The following CSMD1 variants were observed in gnomAD, a reference collection of about 807,000 sequenced individuals.
The protein encoded by CSMD1 is CUB and sushi domain-containing protein 1.
A neutral mutation model predicts 417.5 loss-of-function variants in CSMD1; 213 were observed. The observed-to-expected ratio is 0.51, with a 90% confidence interval of 0.46 to 0.57. The LOEUF (loss-of-function observed/expected upper bound fraction) is 0.57, where lower values mean the gene tolerates loss of function less well. Among genes scored for constraint, CSMD1 ranks in the 20% least tolerant of loss-of-function variants. The pLI is 0.00. For synonymous variants in CSMD1, 2,862 were observed against 1,736.8 expected, an observed-to-expected ratio of 1.65 and a Z score of -16.11; for missense variants, 6,923 against 4,529.7, an observed-to-expected ratio of 1.53 and a Z score of -15.17.
At chr8:3,138,221 C>G (rs897851249) in intron 41 of CSMD1, among the ~76,000 whole-genome samples, 1 of 152,076 alleles carries the variant, frequency 6.6e-6, no homozygotes, top group Non-Finnish European at 1.5e-5. Flanking sequence ...GTGGGATTCC[C>G]TCTCGAAAAC....
At chr8:4,682,811 G>A (rs1223159399) in intron 1 of CSMD1, among the ~76,000 whole-genome samples, 3 of 150,956 alleles carry the variant, frequency 2.0e-5, no homozygotes, top group Admixed American at 6.6e-5. Flanking sequence ...ATAAGAATAT[G>A]ATTTCACATT....
intron 26 of CSMD1, among the ~76,000 whole-genome samples, chr8:3,231,987 A>G (rs1459399280): frequency 6.6e-6 from 1 of 152,208 alleles, no homozygotes; most frequent in African/African-American, 2.4e-5. Flanking sequence ...TCTCAAATTG[A>G]TTGTTATTAC....
intron 5 of CSMD1, among the ~76,000 whole-genome samples, chr8:3,903,466 A>G (rs569851249): frequency 2.2e-4 from 34 of 152,334 alleles, no homozygotes; most frequent in African/African-American, 7.9e-4. Flanking sequence ...TACTCTCAAG[A>G]AAGTCTAAAG....
intron 3 of CSMD1, among the ~76,000 whole-genome samples, chr8:4,055,691 T>A (rs569446419): frequency 6.6e-6 from 1 of 152,242 alleles, no homozygotes; most frequent in Non-Finnish European, 1.5e-5. Context: ...ACAATATACT[T>A]TGAAAAATCA....
intron 32 of CSMD1, among the ~76,000 whole-genome samples, chr8:3,200,086 T>C (rs1469446071): frequency 6.6e-6 from 1 of 152,096 alleles, no homozygotes; most frequent in Non-Finnish European, 1.5e-5. Context: ...GCCTATATAA[T>C]AGAGTAGACA....
chr8:4,910,079 A>G (rs185805464), intron 1 of CSMD1, among the ~76,000 whole-genome samples: 81 of 152,382 alleles, frequency 5.3e-4, no homozygotes, highest in Admixed American at 1.2e-3. Context: ...TCACAAAACC[A>G]GACTTTACTT....
At chr8:4,895,904 T>C (rs1804450145) in intron 1 of CSMD1, among the ~76,000 whole-genome samples, 2 of 152,126 alleles carry the variant, frequency 1.3e-5, no homozygotes, top group African/African-American at 4.8e-5. Context: ...ATACGTTGAA[T>C]TTTGGTTCAG....
intron 11 of CSMD1, among the ~76,000 whole-genome samples, chr8:3,488,049 T>TC (rs1818158781): frequency 2.0e-5 from 3 of 151,258 alleles, no homozygotes; most frequent in Admixed American, 2.0e-4. Flanking sequence ...ACTTTTTTTT[T>TC]CTAAACTCAA....
chr8:4,862,849 A>G (rs11775697), intron 1 of CSMD1, among the ~76,000 whole-genome samples: 127,631 of 151,862 alleles, frequency 0.84, 55,653 homozygotes, highest in East Asian at 1. Flanking sequence ...GTGTGACTCC[A>G]AGTCTTAAGA....
intron 3 of CSMD1, among the ~76,000 whole-genome samples, chr8:4,413,711 A>C (rs890107935): frequency 1.3e-5 from 2 of 152,236 alleles, no homozygotes; most frequent in Admixed American, 6.5e-5. Context: ...ATGTCATTTA[A>C]CATTGATTAG....
intron 1 of CSMD1, among the ~76,000 whole-genome samples, chr8:4,948,211 G>A (rs934259827): frequency 1.3e-5 from 2 of 151,876 alleles, no homozygotes; most frequent in African/African-American, 4.8e-5. Context: ...TAATATATAC[G>A]AGTTTAGTAG....
At chr8:4,562,439 G>C (rs1235900858) in intron 2 of CSMD1, among the ~76,000 whole-genome samples, 1 of 152,118 alleles carries the variant, frequency 6.6e-6, no homozygotes. Flanking sequence ...AGAAGTTGAA[G>C]TTATAATTCA....
rs1283174228 is a variant in CSMD1, at chr8:4,340,769, G to A, written c.415+79184C>T. Reference sequence around the variant, plus strand: ...TCAGCAAACTCTGCAAAACTGTCAAGCAAACTCATAATGGTTGCTTCTAGA... The same window carrying A: ...TCAGCAAACTCTGCAAAACTGTCAAACAAACTCATAATGGTTGCTTCTAGA... On this transcript the variant is annotated intron_variant, in intron 3 of 69. Transcript: ENST00000635120. Among the ~76,000 whole-genome samples the A allele has an allele frequency of 2.0e-5, 3 of 152,026 alleles. No homozygotes were observed. In the South Asian group the frequency reaches 6.2e-4, roughly 31 times the overall value.
At chr8:4,975,115 T>TA (rs1810473892) in intron 1 of CSMD1, among the ~76,000 whole-genome samples, 1 of 152,082 alleles carries the variant, frequency 6.6e-6, no homozygotes, top group African/African-American at 2.4e-5. Flanking sequence ...TAGGTCCCCA[T>TA]AAAAAAGATA....
Position 3,181,120 on chromosome 8 carries a change from C to G in CSMD1, c.5715G>C (p.Leu1905=), listed in dbSNP as rs749403003. 1 of 1,612,130 alleles carries G rather than the reference C, an allele frequency of 6.2e-7. No homozygotes were observed. The highest frequency in any genetic ancestry group is 8.5e-7 in the Non-Finnish European group (1 of 1,178,520). ...DISVAAAGFH[L]EYKTVGLAAC... ...AAGAGTTGACCTTACTTTTGTATTC[C>G]AGGTGGAAACCAGCAGCTGCCACAC... Residue 1905 remains leucine (L), a synonymous_variant, in exon 37 of 70, where the codon CTG becomes CTC. Coordinates refer to ENST00000635120, the MANE Select transcript of CSMD1 (RefSeq NM_033225.6).
rs116052447 is a variant in CSMD1, at chr8:3,538,512, G to A, written c.1344+36433C>T. 1.0e-3 allele frequency among the ~76,000 whole-genome samples: 153 copies of A among 152,264 alleles called. 1 individual carries two copies. The highest frequency in any genetic ancestry group is 3.6e-3 in the African/African-American group (149 of 41,550). Reference sequence around the variant, plus strand: ...GCCTCACCTGCGATGCCTCACCTGAGATGCCCCACCTGCGATGCCTCGCCT... The same window carrying A: ...GCCTCACCTGCGATGCCTCACCTGAAATGCCCCACCTGCGATGCCTCGCCT... On this transcript the variant is annotated intron_variant, in intron 10 of 69. Coordinates refer to ENST00000635120, the MANE Select transcript of CSMD1 (RefSeq NM_033225.6).
intron 1 of CSMD1, among the ~76,000 whole-genome samples, chr8:4,659,568 T>C (rs954957514): frequency 6.6e-6 from 1 of 152,032 alleles, no homozygotes; most frequent in Non-Finnish European, 1.5e-5. Flanking sequence ...TTCACACATA[T>C]CAGATACCCA....
At chr8:3,627,226 T>C (rs1047582567) in intron 7 of CSMD1, among the ~76,000 whole-genome samples, 1 of 152,108 alleles carries the variant, frequency 6.6e-6, no homozygotes, top group African/African-American at 2.4e-5. Context: ...GAGAACTGAG[T>C]TTAAGATTGT....
intron 48 of CSMD1, among the ~76,000 whole-genome samples, chr8:3,087,859 C>T (rs1201357357): frequency 6.6e-6 from 1 of 152,198 alleles, no homozygotes; most frequent in Non-Finnish European, 1.5e-5. Context: ...TGATAGGGTA[C>T]TGCACAAGAC....
Sources: allele counts gnomAD v4.1 joint callset (sites outside exome capture counted in the v4.1 genomes callset), GRCh38; gene constraint gnomAD v4.1.1; transcripts MANE v1.5; gene names NCBI Gene and HGNC (gene_info 2026-07-23, HGNC 2026-07-21).